The following RAB38 variants were observed in gnomAD, a reference collection of about 807,000 sequenced individuals.
RAB38 encodes ras-related protein Rab-38.
A neutral mutation model predicts 18.4 loss-of-function variants in RAB38; 15 were observed. The ratio of observed to expected loss-of-function variants is 0.82; its 90% CI spans 0.55 to 1.26. The LOEUF is 1.26. Ranked by LOEUF, RAB38 falls within the 50% of genes most tolerant of loss-of-function variation. RAB38 has a pLI of 0.00. For missense variants in RAB38, 294 were observed against 267.4 expected (o/e 1.10, Z -0.69); for synonymous variants, 101 against 104.4 (o/e 0.97, Z 0.20).
the RAB38 span, among the ~76,000 whole-genome samples, chr11:88,047,042 C>A: frequency 6.6e-6 from 1 of 152,218 alleles, no homozygotes; most frequent in African/African-American, 2.4e-5. Context: ...ATTCTGCGTG[C>A]AGCCGCTGCC....
chr11:87,887,025 T>C, the RAB38 span, among the ~76,000 whole-genome samples: 2 of 151,890 alleles, frequency 1.3e-5, no homozygotes, highest in African/African-American at 4.8e-5. Context: ...CCAAACCCCA[T>C]GAAATGGGAA....
the RAB38 span, among the ~76,000 whole-genome samples, chr11:88,041,882 A>C: frequency 6.6e-6 from 1 of 152,116 alleles, no homozygotes; most frequent in Non-Finnish European, 1.5e-5. Context: ...CCCACATTTG[A>C]AACCTGGCAG....
chr11:87,886,454 C>G, the RAB38 span, among the ~76,000 whole-genome samples: 5 of 151,808 alleles, frequency 3.3e-5, no homozygotes, highest in Admixed American at 1.3e-4. Flanking sequence ...GCTTGAATTT[C>G]TTGGAAGAAT....
the RAB38 span, among the ~76,000 whole-genome samples, chr11:87,825,510 T>C: frequency 6.6e-6 from 1 of 152,134 alleles, no homozygotes; most frequent in Non-Finnish European, 1.5e-5. Flanking sequence ...TTGTATGTGG[T>C]TATCTCCTTC....
the RAB38 span, among the ~76,000 whole-genome samples, chr11:87,937,806 G>T: frequency 6.8e-6 from 1 of 147,178 alleles, no homozygotes; most frequent in Non-Finnish European, 1.5e-5. Flanking sequence ...AGTTTCTATT[G>T]CTTGGCCGGC....
intron 2 of RAB38, among the ~76,000 whole-genome samples, chr11:88,125,214 T>G (rs539068322): frequency 1.3e-5 from 2 of 152,288 alleles, no homozygotes; most frequent in Non-Finnish European, 2.9e-5. Context: ...CATTGCGTAC[T>G]CAGAATAAGT....
At chr11:87,852,554 T>G in the RAB38 span, among the ~76,000 whole-genome samples, 2,992 of 152,220 alleles carry the variant, frequency 0.02, 95 homozygotes, top group African/African-American at 0.069. Flanking sequence ...GGCCCCGAAT[T>G]GAGAAATTAA....
the RAB38 span, among the ~76,000 whole-genome samples, chr11:87,840,424 C>T: frequency 6.6e-6 from 1 of 152,122 alleles, no homozygotes; most frequent in African/African-American, 2.4e-5. Flanking sequence ...TTGGATTTCG[C>T]TAAGTGATCA....
At chr11:87,845,993 G>A in the RAB38 span, among the ~76,000 whole-genome samples, 3 of 152,090 alleles carry the variant, frequency 2.0e-5, no homozygotes, top group Non-Finnish European at 4.4e-5. Flanking sequence ...GAGAGCATGT[G>A]TCACTAACAG....
chr11:88,094,996 G>C, the RAB38 span, among the ~76,000 whole-genome samples: 1 of 151,146 alleles, frequency 6.6e-6, no homozygotes, highest in African/African-American at 2.4e-5. Context: ...ACATTATTTC[G>C]CCTATGGCCA....
chr11:88,018,052 C>T, the RAB38 span, among the ~76,000 whole-genome samples: 1 of 152,092 alleles, frequency 6.6e-6, no homozygotes, highest in East Asian at 1.9e-4. Context: ...ATTGTGTGGC[C>T]TCCCCAGCCA....
chr11:88,122,155 G>C (rs1006051492), intron 2 of RAB38, among the ~76,000 whole-genome samples: 1 of 152,094 alleles, frequency 6.6e-6, no homozygotes, highest in Non-Finnish European at 1.5e-5. Flanking sequence ...ATACGAGGCA[G>C]ACACAGCTCT....
the RAB38 span, among the ~76,000 whole-genome samples, chr11:87,896,268 G>A: frequency 2.0e-5 from 3 of 151,646 alleles, no homozygotes; most frequent in Non-Finnish European, 4.4e-5. Flanking sequence ...ACCATGCCAA[G>A]GGGCCATTCA....
At chr11:87,931,663 A>G in the RAB38 span, among the ~76,000 whole-genome samples, 1 of 152,250 alleles carries the variant, frequency 6.6e-6, no homozygotes, top group African/African-American at 2.4e-5. Flanking sequence ...ATTACCCATA[A>G]TATCAGTTCC....
At chr11:87,916,312 G>A in the RAB38 span, among the ~76,000 whole-genome samples, 1 of 152,032 alleles carries the variant, frequency 6.6e-6, no homozygotes, top group African/African-American at 2.4e-5. Context: ...TTGAGAGGTG[G>A]GGCCTAGTGG....
chr11:87,905,814 A>G, the RAB38 span, among the ~76,000 whole-genome samples: 1 of 151,986 alleles, frequency 6.6e-6, no homozygotes, highest in Non-Finnish European at 1.5e-5. Flanking sequence ...GAAGCAATCT[A>G]GAGCTCCTTT....
At chr11:87,928,934 G>A in the RAB38 span, among the ~76,000 whole-genome samples, 1 of 152,062 alleles carries the variant, frequency 6.6e-6, no homozygotes, top group Non-Finnish European at 1.5e-5. Context: ...GACCAACATG[G>A]TGAAACCCTA....
At chr11:88,040,227 G>T in the RAB38 span, among the ~76,000 whole-genome samples, 2 of 152,186 alleles carry the variant, frequency 1.3e-5, no homozygotes, top group Non-Finnish European at 2.9e-5. Context: ...AGAAGTTAGA[G>T]ATCAGAGTAT....
the RAB38 span, among the ~76,000 whole-genome samples, chr11:87,898,880 T>C: frequency 1.3e-5 from 2 of 151,528 alleles, no homozygotes; most frequent in Non-Finnish European, 3.0e-5. Context: ...GATTCCCCCA[T>C]GTAGGAAGGA....
Sources: gnomAD v4.1 joint callset for allele counts (sites outside exome capture counted in the v4.1 genomes callset) on GRCh38, gnomAD v4.1.1 for gene constraint, MANE v1.5 for transcripts, NCBI Gene and HGNC (gene_info 2026-07-23, HGNC 2026-07-21) for gene names.